The following KRT14 variants were observed in gnomAD, a reference collection of about 807,000 sequenced individuals.
KRT14 encodes the protein keratin, type I cytoskeletal 14.
Under a neutral mutation model 44.5 loss-of-function variants are expected in KRT14, and 30 were observed. That is an observed-to-expected ratio of 0.67 (90% confidence interval 0.50 to 0.92). KRT14 has a LOEUF of 0.92. KRT14 is among the 40% of genes least tolerant of loss of function. The pLI, the probability that KRT14 is intolerant of heterozygous loss-of-function variation, is 0.00. For synonymous variants in KRT14, 241 were observed against 257.6 expected (o/e 0.94, Z 0.62); for missense variants, 535 against 640.6 (o/e 0.84, Z 1.78).
intron 3 of KRT14, 133 bp from the exon 4 acceptor site, chr17:41,584,054 T>G: frequency 2.5e-6 from 1 of 398,684 alleles, no homozygotes; most frequent in Non-Finnish European, 4.3e-6. Context: ...TCTCTCAATC[T>G]CTCTCTCTCT....
chr17:41,582,930 G>A, intron 7 of KRT14, 164 bp downstream of exon 7: 1 of 734,992 alleles, frequency 1.4e-6, no homozygotes, highest in Non-Finnish European at 2.4e-6. Context: ...CTAGCCCTAA[G>A]GAGGGTTTAG....
At chr17:41,583,207 G>A (rs751561971) in intron 6 of KRT14, 28 bp downstream of exon 6, 3 of 1,611,498 alleles carry the variant, frequency 1.9e-6, no homozygotes, top group East Asian at 2.2e-5. Flanking sequence ...CATGGGGGGG[G>A]CGGACTAAGG....
intron 1 of KRT14, among the ~76,000 whole-genome samples, chr17:41,585,558 A>T (rs1326708578): frequency 6.6e-6 from 1 of 152,168 alleles, no homozygotes; most frequent in African/African-American, 2.4e-5. Flanking sequence ...AGAAAAGAGG[A>T]CTCAGGGGAA....
chr17:41,583,897 C>T lies in KRT14; in HGVS notation c.790G>A (p.Val264Met), dbSNP rs754973305. 6 of 1,613,964 alleles carry T rather than the reference C, an allele frequency of 3.7e-6. No individual in the cohort carries two copies. The highest frequency in any genetic ancestry group is 1.1e-5 in the South Asian group (1 of 91,076). The change falls in exon 4 of 8, where the codon GTG becomes ATG. Residue 264 changes from valine (V) to methionine (M), a missense_variant. Transcript: ENST00000167586. ...ATCTCCACATTGACATCTCCACCCACCTGGCCTCTCAGGGCATTCATCTCC... is the reference window on the plus strand; with the variant it reads ...ATCTCCACATTGACATCTCCACCCATCTGGCCTCTCAGGGCATTCATCTCC... Reference protein sequence around the residue: ...EEEMNALRGQVGGDVNVEMDA... With the variant: ...EEEMNALRGQMGGDVNVEMDA...
At chr17:41,586,185 C>G (rs1907517554) in intron 1 of KRT14, 125 bp downstream of exon 1, 13 of 1,294,750 alleles carry the variant, frequency 1.0e-5, no homozygotes, top group South Asian at 4.8e-5. Context: ...TCCAAGACCT[C>G]GAAAGAAGGG....
rs765329432 is a variant in KRT14, at chr17:41,583,901, G to A, written c.786C>T (p.Gly262=). The change falls in exon 4 of 8, where the codon GGC becomes GGT. Residue 262 remains glycine, a synonymous_variant. Coordinates refer to ENST00000167586, the MANE Select transcript of KRT14 (RefSeq NM_000526.5). ...NHEEEMNALR[G]QVGGDVNVEM... is the part of the protein sequence containing the mutation. Reference sequence around the variant, plus strand: ...CCACATTGACATCTCCACCCACCTGGCCTCTCAGGGCATTCATCTCCTGCA... The same window carrying A: ...CCACATTGACATCTCCACCCACCTGACCTCTCAGGGCATTCATCTCCTGCA... 13 of 1,613,730 alleles carry A rather than the reference G, an allele frequency of 8.1e-6. No homozygotes were observed.
rs771765718 is a variant in KRT14 at position 41,584,901 on chromosome 17, A to G, written c.608+74T>C. ...ACCTATCCTGGTACTGGCTAGTTCT[A>G]TTTGGGAAACACTGCTCCAAAAATG... On this transcript the variant is annotated intron_variant, in intron 2 of 7. Transcript: ENST00000167586. 2.2e-5 allele frequency: 25 copies of G among 1,158,276 alleles called. 1 individual carries two copies. The highest frequency in any genetic ancestry group is 2.6e-5 in the Non-Finnish European group (20 of 767,356). 71.7% of individuals were successfully genotyped at this position (1,158,276 alleles called of 1,614,324 possible).
Position 41,583,756 on chromosome 17 carries a change from C to G in KRT14, c.927+4G>C. ...GGGTTCCTTCCACCTCAAATGACAC[C>G]CACCTTGGTGAAGAACCATTCCTCG... On this transcript the variant is annotated splice_donor_region_variant and intron_variant, in intron 4 of 7. Coordinates refer to ENST00000167586, the MANE Select transcript of KRT14 (RefSeq NM_000526.5). 2 of 1,614,238 alleles carry G rather than the reference C, an allele frequency of 1.2e-6. No individual in the cohort carries two copies. The highest frequency in any genetic ancestry group is 8.5e-7 in the Non-Finnish European group (1 of 1,180,050).
chr17:41,582,736 A>C, intron 7 of KRT14: 1 of 628,392 alleles, frequency 1.6e-6, no homozygotes, highest in Non-Finnish European at 2.9e-6. Flanking sequence ...GGTCAGAGAC[A>C]GAGTCTTTGC....
chr17:41,582,293 T>A lies in KRT14; in HGVS notation c.*142A>T. On this transcript the variant is annotated 3_prime_UTR_variant, in exon 8 of 8. Coordinates refer to ENST00000167586, the MANE Select transcript of KRT14 (RefSeq NM_000526.5). The stretch of plus-strand genomic sequence containing the variant: ...AGAGGCGAGAATTATGCAACTCAGA[T>A]AATGAAGCTGTATTGATTGCCAGGA... 1 of 656,490 alleles carries A rather than the reference T, an allele frequency of 1.5e-6. No individual in the cohort carries two copies. Among genetic ancestry groups the A allele is most frequent in the South Asian group, 1.8e-5 (1 of 56,880 alleles). 40.7% of individuals were successfully genotyped at this position (656,490 alleles called of 1,614,324 possible). A position where few individuals can be genotyped will look rare whatever the true frequency, so the allele number is the denominator to read the frequency against.
Position 41,586,684 on chromosome 17 carries a change from A to G in KRT14, c.151T>C (p.Ser51Pro). The G allele has an allele frequency of 2.5e-6, 4 of 1,597,088 alleles. No individual in the cohort carries two copies. The highest frequency in any genetic ancestry group is 3.4e-6 in the Non-Finnish European group (4 of 1,172,030). ...RAPSTYGGGLSVSSSRFSSGG... is the reference protein window; with the variant it reads ...RAPSTYGGGLPVSSSRFSSGG... ...GAGGAGAAGCGGGAGGATGAGACAG[A>G]CAGGCCGCCCCCGTAGGTGCTGGGG... is the stretch of plus-strand genomic sequence containing the variant. Residue 51 changes from serine to proline, a missense_variant, in exon 1 of 8, where the codon TCT (serine) becomes CCT (proline). Coordinates refer to ENST00000167586, the MANE Select transcript of KRT14 (RefSeq NM_000526.5).
Position 41,586,440 on chromosome 17 carries a change from T to G in KRT14, c.395A>C (p.Lys132Thr). ...LNDRLASYLD[K>T]VRALEEANAD... Reference sequence around the variant, plus strand: ...GTTGGCCTCCTCCAGAGCACGCACCTTGTCCAGGTAGGAGGCCAGGCGGTC... The same window carrying G: ...GTTGGCCTCCTCCAGAGCACGCACCGTGTCCAGGTAGGAGGCCAGGCGGTC... The change falls in exon 1 of 8, where the codon AAG becomes ACG. Residue 132 changes from lysine (K) to threonine (T), a missense_variant. Coordinates refer to ENST00000167586, the MANE Select transcript of KRT14 (RefSeq NM_000526.5). The G allele has an allele frequency of 6.2e-7, 1 of 1,614,156 alleles. No homozygotes were observed. Among genetic ancestry groups the G allele is most frequent in the Middle Eastern group, 1.7e-4 (1 of 6,048 alleles).
chr17:41,584,024 G>T, intron 3 of KRT14, 103 bp from the exon 4 acceptor site: 1 of 1,025,928 alleles, frequency 9.7e-7, no homozygotes, highest in Non-Finnish European at 1.4e-6. Context: ...ATTCTATCTC[G>T]ACTCTCCCTT....
Position 41,583,239 on chromosome 17 carries a change from C to A in KRT14, c.1270G>T (p.Ala424Ser). 1 of 1,613,414 alleles carries A rather than the reference C, an allele frequency of 6.2e-7. No individual in the cohort carries two copies. Among genetic ancestry groups the A allele is most frequent in the East Asian group, 2.2e-5 (1 of 44,864 alleles). Residue 424 changes from alanine to serine, a missense_variant, in exon 6 of 8, where the codon GCC becomes TCC. Physicochemically the swap from Ala to Ser is moderately conservative, Grantham distance 99. Transcript: ENST00000167586. Reference protein sequence around the residue: ...TYRRLLEGEDAHLSSSQFSSG... With the variant: ...TYRRLLEGEDSHLSSSQFSSG... ...AAGGGGAGGGCCAAGACTCACTGGG[C>A]GTCCTCGCCCTCCAGCAGGCGGCGG... is the stretch of plus-strand genomic sequence containing the variant.
In KRT14 at chr17:41,583,667, G is replaced by A; in HGVS notation, c.937C>T (p.Leu313=). The change falls in exon 5 of 8, where the codon CTG becomes TTG. Residue 313 remains leucine, a synonymous_variant. Coordinates refer to ENST00000167586, the MANE Select transcript of KRT14 (RefSeq NM_000526.5). ...EEWFFTKTEE[L]NREVATNSEL... Reference sequence around the variant, plus strand: ...CTGTTGGTGGCCACCTCGCGGTTCAGCTCCTCTGTCTGCAAAAAAGAGAAT... The same window carrying A: ...CTGTTGGTGGCCACCTCGCGGTTCAACTCCTCTGTCTGCAAAAAAGAGAAT... 6.2e-7 allele frequency: 1 copy of A among 1,614,234 alleles called. No individual in the cohort carries two copies. Among genetic ancestry groups the A allele is most frequent in the Middle Eastern group, 1.6e-4 (1 of 6,062 alleles).
At chr17:41,585,810 T>C (rs1470286554) in intron 1 of KRT14, among the ~76,000 whole-genome samples, 1 of 152,208 alleles carries the variant, frequency 6.6e-6, no homozygotes, top group Admixed American at 6.5e-5. Context: ...CGCCTGGCTG[T>C]GGGGAGGGAC....
chr17:41,586,395 A>T lies in KRT14; in HGVS notation c.440T>A (p.Ile147Asn), dbSNP rs1356468503. ...CCGCTGCCTCTGGTACCAGTCACGG[A>T]TCTTCACTTCCAGGTCGGCGTTGGC... Reference protein sequence around the residue: ...EEANADLEVKIRDWYQRQRPA... With the variant: ...EEANADLEVKNRDWYQRQRPA... The change falls in exon 1 of 8, where the codon ATC (isoleucine) becomes AAC (asparagine). Residue 147 changes from isoleucine to asparagine, a missense_variant. Physicochemically the swap from Ile to Asn is moderately radical, Grantham distance 149. Coordinates refer to ENST00000167586, the MANE Select transcript of KRT14 (RefSeq NM_000526.5). 1.9e-6 allele frequency: 3 copies of T among 1,613,912 alleles called. No individual in the cohort carries two copies. The highest frequency in any genetic ancestry group is 2.5e-6 in the Non-Finnish European group (3 of 1,180,004).
chr17:41,586,771 C>T lies in KRT14; in HGVS notation c.64G>A (p.Gly22Ser). Reference sequence around the variant, plus strand: ...CGGCTGGAGCCGCCCCCGATGCCGCCCCCGATGCCGCAGGAGCCCTTCATG... The same window carrying T: ...CGGCTGGAGCCGCCCCCGATGCCGCTCCCGATGCCGCAGGAGCCCTTCATG... ...SSMKGSCGIG[G>S]GIGGGSSRIS... The change falls in exon 1 of 8, where the codon GGC (glycine) becomes AGC (serine). Residue 22 changes from glycine (G) to serine (S), a missense_variant. Physicochemically the swap from Gly to Ser is moderately conservative, Grantham distance 56. Coordinates refer to ENST00000167586, the MANE Select transcript of KRT14 (RefSeq NM_000526.5). The T allele has an allele frequency of 1.3e-6, 2 of 1,584,624 alleles. No homozygotes were observed. Among genetic ancestry groups the T allele is most frequent in the South Asian group, 1.1e-5 (1 of 88,002 alleles).
rs750478282 is a variant in KRT14, at chr17:41,586,670, G to A, written c.165C>T (p.Ser55=). ...CGCAGGCTCCCCCAGAGGAGAAGCG[G>A]GAGGATGAGACAGACAGGCCGCCCC... The part of the protein sequence containing the change: ...TYGGGLSVSS[S]RFSSGGACGL... The change falls in exon 1 of 8, where the codon TCC becomes TCT. Residue 55 remains serine, a synonymous_variant. Transcript: ENST00000167586. 1.9e-6 allele frequency: 3 copies of A among 1,601,086 alleles called. No individual in the cohort carries two copies. Among genetic ancestry groups the A allele is most frequent in the East Asian group, 2.3e-5 (1 of 44,184 alleles).
Sources: allele counts gnomAD v4.1 joint callset (sites outside exome capture counted in the v4.1 genomes callset), GRCh38; gene constraint gnomAD v4.1.1; transcripts MANE v1.5; gene names NCBI Gene and HGNC (gene_info 2026-07-23, HGNC 2026-07-21).